The following DPP10 variants were observed in gnomAD, a reference collection of about 807,000 sequenced individuals.
DPP10 encodes the protein dipeptidyl peptidase like 10, also known as inactive dipeptidyl peptidase 10.
In DPP10, 33 loss-of-function variants were observed where a neutral mutation model predicts 120.9. The observed-to-expected ratio is 0.27, with a 90% CI of 0.21 to 0.37. The LOEUF is 0.37. Ranked by LOEUF, DPP10 falls within the 10% of genes least tolerant of loss-of-function variation. The pLI, the probability that DPP10 is intolerant of heterozygous loss-of-function variation, is 1.00. For synonymous variants in DPP10, 337 were observed against 326.1 expected (o/e 1.03, Z -0.36); for missense variants, 816 against 942.8 (o/e 0.87, Z 1.76).
At chr2:114,626,018 A>G (rs531569454) in intron 1 of DPP10, among the ~76,000 whole-genome samples, 1 of 151,680 alleles carries the variant, frequency 6.6e-6, no homozygotes, top group South Asian at 2.1e-4. Flanking sequence ...AAAATAAAAT[A>G]TATTATAAAT....
At chr2:115,626,540 T>G (rs909892520) in intron 5 of DPP10, among the ~76,000 whole-genome samples, 3 of 152,114 alleles carry the variant, frequency 2.0e-5, no homozygotes, top group Non-Finnish European at 2.9e-5. Context: ...AAAATATCAT[T>G]AGCTCTTGTT....
At chr2:114,595,672 C>G (rs1481962890) in intron 1 of DPP10, among the ~76,000 whole-genome samples, 1 of 152,034 alleles carries the variant, frequency 6.6e-6, no homozygotes, top group Admixed American at 6.6e-5. Flanking sequence ...ATACAGTGAC[C>G]CTTCAAACAG....
intron 1 of DPP10, among the ~76,000 whole-genome samples, chr2:114,949,642 A>G (rs1697628236): frequency 6.6e-6 from 1 of 152,148 alleles, no homozygotes; most frequent in African/African-American, 2.4e-5. Context: ...GTCTGGAATC[A>G]CATAGAGAAT....
chr2:115,536,116 A>G (rs1174149870), intron 5 of DPP10, among the ~76,000 whole-genome samples: 1 of 152,056 alleles, frequency 6.6e-6, no homozygotes, highest in Non-Finnish European at 1.5e-5. Context: ...GAAAATACAC[A>G]CACAAAAAAA....
At chr2:115,461,331 A>G (rs2073972677) in intron 3 of DPP10, among the ~76,000 whole-genome samples, 1 of 152,116 alleles carries the variant, frequency 6.6e-6, no homozygotes. Flanking sequence ...TAAATTTTCC[A>G]TTAAATACTG....
intron 1 of DPP10, among the ~76,000 whole-genome samples, chr2:114,452,689 A>G (rs1678355479): frequency 1.3e-5 from 2 of 152,160 alleles, no homozygotes; most frequent in Non-Finnish European, 2.9e-5. Context: ...AAAAATTTAA[A>G]TAAATTGGCT....
In DPP10 at chr2:115,689,891, C is replaced by T. The variant is rs151071213; in HGVS notation, c.546C>T (p.Tyr182=). The change falls in exon 7 of 26, where the codon TAC becomes TAT. Residue 182 remains tyrosine, a synonymous_variant. Transcript: ENST00000410059. The part of the protein sequence containing the change: ...PPEVEDSVLQ[Y]AAWGVQGQQL... The stretch of plus-strand genomic sequence containing the variant: ...AAGTAGAGGACTCCGTCTTGCAGTA[C>T]GCGGCCTGGGGTGTCCAAGGGCAGC... 1.2e-4 allele frequency: 194 copies of T among 1,613,838 alleles called. No homozygotes were observed. In the African/African-American group the frequency reaches 2.1e-3, roughly 18 times the overall value.
chr2:114,637,794 T>C (rs1437147194), intron 1 of DPP10, among the ~76,000 whole-genome samples: 2 of 151,826 alleles, frequency 1.3e-5, no homozygotes, highest in Non-Finnish European at 2.9e-5. Context: ...CAGATGGCTG[T>C]ATGTGTGCGG....
chr2:115,162,046 C>G (rs1415689013), intron 1 of DPP10: 2 of 1,417,136 alleles, frequency 1.4e-6, no homozygotes, highest in Non-Finnish European at 9.2e-7. Context: ...TCGGCAGCCG[C>G]GGCCAGGCCC....
rs144333474 is a variant in DPP10 at position 114,720,461 on chromosome 2, T to A, written c.60+277623T>A. 2.4e-3 allele frequency among the ~76,000 whole-genome samples: 362 copies of A among 152,322 alleles called. 2 individuals are homozygous for A. Among genetic ancestry groups the A allele is most frequent in the Admixed American group, 8.4e-3 (129 of 15,294 alleles). On this transcript the variant is annotated intron_variant, in intron 1 of 25. Transcript: ENST00000410059. ...AAATCTGTCAATTCTTCTTAAGGTC[T>A]TCAGTTATATTTGGAAAGAATGAAG... is the stretch of plus-strand genomic sequence containing the variant.
At chr2:114,673,646 G>A (rs192472350) in intron 1 of DPP10, among the ~76,000 whole-genome samples, 151 of 152,042 alleles carry the variant, frequency 9.9e-4, no homozygotes, top group African/African-American at 3.4e-3. Context: ...AGTAGAGATC[G>A]GGTTTCACCA....
intron 3 of DPP10, among the ~76,000 whole-genome samples, chr2:115,432,548 A>G (rs1162624554): frequency 1.3e-5 from 2 of 151,944 alleles, no homozygotes; most frequent in African/African-American, 4.8e-5. Context: ...CTGTTATACT[A>G]TAGATTGTTA....
chr2:115,242,672 AT>A (rs539909325), intron 1 of DPP10, among the ~76,000 whole-genome samples: 1,820 of 124,128 alleles, frequency 0.015, 18 homozygotes, highest in African/African-American at 0.035. Flanking sequence ...GCCAACATCT[AT>A]TTTTTTTTTT....
chr2:115,167,284 TG>T (rs1325558588), intron 1 of DPP10, among the ~76,000 whole-genome samples: 2 of 149,426 alleles, frequency 1.3e-5, no homozygotes, highest in Non-Finnish European at 3.0e-5. Flanking sequence ...AATCTGGGCC[TG>T]GTGCAGTGGC....
At chr2:115,544,162 G>A (rs1289203920) in intron 5 of DPP10, among the ~76,000 whole-genome samples, 2 of 151,750 alleles carry the variant, frequency 1.3e-5, no homozygotes, top group Non-Finnish European at 2.9e-5. Flanking sequence ...ATAAAATTTT[G>A]TCACAAAAAC....
At chr2:115,014,014 T>C (rs977416289) in intron 1 of DPP10, among the ~76,000 whole-genome samples, 5 of 152,132 alleles carry the variant, frequency 3.3e-5, no homozygotes, top group Non-Finnish European at 7.3e-5. Context: ...TCTACAGAAC[T>C]CTCTACCCCA....
intron 1 of DPP10, among the ~76,000 whole-genome samples, chr2:115,266,803 T>G (rs760627534): frequency 6.6e-5 from 10 of 152,204 alleles, no homozygotes; most frequent in African/African-American, 9.6e-5. Flanking sequence ...GAAATATTTA[T>G]AATTGCTGTA....
intron 1 of DPP10, among the ~76,000 whole-genome samples, chr2:114,890,405 C>T (rs1692442356): frequency 6.6e-6 from 1 of 152,068 alleles, no homozygotes; most frequent in Non-Finnish European, 1.5e-5. Context: ...CCACTAATCG[C>T]CTTTCCCCAA....
At chr2:114,926,894 A>G (rs977454856) in intron 1 of DPP10, among the ~76,000 whole-genome samples, 6 of 134,742 alleles carry the variant, frequency 4.5e-5, no homozygotes, top group Middle Eastern at 5.1e-3. Flanking sequence ...TATGTCCCCC[A>G]GGCTGGAGAG....
Sources: gnomAD v4.1 joint callset for allele counts (sites outside exome capture counted in the v4.1 genomes callset) on GRCh38, gnomAD v4.1.1 for gene constraint, MANE v1.5 for transcripts, NCBI Gene and HGNC (gene_info 2026-07-23, HGNC 2026-07-21) for gene names.